The following ENTREP2 variants were observed in gnomAD, a reference collection of about 807,000 sequenced individuals.
ENTREP2 encodes the protein protein ENTREP2.
At chr15:29,308,288 A>G in the ENTREP2 span, among the ~76,000 whole-genome samples, 2,773 of 152,346 alleles carry the variant, frequency 0.018, 52 homozygotes, top group Non-Finnish European at 0.027. Context: ...AGGCAGGAGA[A>G]TTGCTTAAGC....
chr15:29,575,932 G>A, the ENTREP2 span, among the ~76,000 whole-genome samples: 1 of 152,242 alleles, frequency 6.6e-6, no homozygotes, highest in Admixed American at 6.5e-5. Flanking sequence ...CAGATTCAAA[G>A]CAATCCCTAT....
chr15:29,183,935 T>C, the ENTREP2 span, among the ~76,000 whole-genome samples: 1 of 152,184 alleles, frequency 6.6e-6, no homozygotes, highest in Non-Finnish European at 1.5e-5. Flanking sequence ...TGAATAAATC[T>C]GGAAGGTATT....
At chr15:29,604,475 C>A in the ENTREP2 span, among the ~76,000 whole-genome samples, 2 of 152,106 alleles carry the variant, frequency 1.3e-5, no homozygotes, top group African/African-American at 4.8e-5. Flanking sequence ...TTAATTTCTA[C>A]GTAGATACCA....
At chr15:29,546,699 A>C in the ENTREP2 span, among the ~76,000 whole-genome samples, 1 of 152,002 alleles carries the variant, frequency 6.6e-6, no homozygotes, top group African/African-American at 2.4e-5. Context: ...ATCCTGGCTA[A>C]CATGGTGAAA....
At chr15:29,430,521 C>T in the ENTREP2 span, among the ~76,000 whole-genome samples, 1 of 152,070 alleles carries the variant, frequency 6.6e-6, no homozygotes, top group Non-Finnish European at 1.5e-5. Context: ...TGGCACATGC[C>T]TGTAATCACA....
chr15:29,429,191 A>G, the ENTREP2 span, among the ~76,000 whole-genome samples: 4 of 21,914 alleles, frequency 1.8e-4, no homozygotes, highest in African/African-American at 4.6e-4. Context: ...ATGTCTATCT[A>G]TCCATCCATC....
At chr15:29,482,953 C>T in the ENTREP2 span, among the ~76,000 whole-genome samples, 6 of 152,272 alleles carry the variant, frequency 3.9e-5, 1 homozygote, top group African/African-American at 1.4e-4. Flanking sequence ...TTAGTGTTCC[C>T]ACCAACAATG....
the ENTREP2 span, among the ~76,000 whole-genome samples, chr15:29,539,974 C>T: frequency 6.6e-6 from 1 of 152,238 alleles, no homozygotes; most frequent in South Asian, 2.1e-4. Flanking sequence ...CACTGCCTCC[C>T]AAGAGACAAA....
the ENTREP2 span, among the ~76,000 whole-genome samples, chr15:29,475,941 A>T: frequency 6.6e-6 from 1 of 152,172 alleles, no homozygotes; most frequent in South Asian, 2.1e-4. Flanking sequence ...TCATAGTAAG[A>T]TCTGCTCATG....
the ENTREP2 span, chr15:29,375,249 T>A: frequency 6.6e-6 from 1 of 152,222 alleles, no homozygotes; most frequent in South Asian, 2.1e-4. Context: ...AGGTTTCCAA[T>A]CTGGATGGTG....
At chr15:29,555,896 T>C in the ENTREP2 span, among the ~76,000 whole-genome samples, 12 of 152,140 alleles carry the variant, frequency 7.9e-5, no homozygotes, top group Non-Finnish European at 1.8e-4. Context: ...CCCACACCCC[T>C]GTCAAAGCTC....
chr15:29,346,783 A>G, the ENTREP2 span, among the ~76,000 whole-genome samples: 1 of 152,206 alleles, frequency 6.6e-6, no homozygotes, highest in Non-Finnish European at 1.5e-5. Context: ...AAATAACAGT[A>G]AACTTCAGAA....
At chr15:29,393,648 A>T in the ENTREP2 span, among the ~76,000 whole-genome samples, 1 of 152,222 alleles carries the variant, frequency 6.6e-6, no homozygotes, top group Non-Finnish European at 1.5e-5. Context: ...CTACTCAGCC[A>T]AAATGCCAGA....
the ENTREP2 span, among the ~76,000 whole-genome samples, chr15:29,600,486 C>A: frequency 2.2e-5 from 3 of 136,932 alleles, no homozygotes; most frequent in Non-Finnish European, 5.0e-5. Context: ...TCATCATCGT[C>A]ATCTCATCAT....
chr15:29,623,114 G>A, the ENTREP2 span, among the ~76,000 whole-genome samples: 1 of 152,192 alleles, frequency 6.6e-6, no homozygotes, highest in Non-Finnish European at 1.5e-5. Flanking sequence ...GGGAGAAGGT[G>A]AAGAATGAAG....
the ENTREP2 span, among the ~76,000 whole-genome samples, chr15:29,355,856 G>A: frequency 6.6e-6 from 1 of 152,162 alleles, no homozygotes; most frequent in Non-Finnish European, 1.5e-5. Flanking sequence ...TGGAATGGCT[G>A]AGCTAAATAA....
chr15:29,314,156 T>A, the ENTREP2 span, among the ~76,000 whole-genome samples: 9 of 152,196 alleles, frequency 5.9e-5, no homozygotes, highest in Non-Finnish European at 1.5e-5. Context: ...CTACTCTTGG[T>A]GAAGATACTG....
At chr15:29,213,596 G>A in the ENTREP2 span, among the ~76,000 whole-genome samples, 1 of 152,054 alleles carries the variant, frequency 6.6e-6, no homozygotes, top group Non-Finnish European at 1.5e-5. Flanking sequence ...CTGCTTGTCT[G>A]TTATTGGTGT....
At chr15:29,393,861 C>A in the ENTREP2 span, among the ~76,000 whole-genome samples, 1 of 151,862 alleles carries the variant, frequency 6.6e-6, no homozygotes, top group South Asian at 2.1e-4. Flanking sequence ...CTCTTTTAGC[C>A]CCAGCAACTA....
Sources: allele counts gnomAD v4.1 joint callset (sites outside exome capture counted in the v4.1 genomes callset), GRCh38; gene constraint gnomAD v4.1.1; transcripts MANE v1.5; gene names NCBI Gene and HGNC (gene_info 2026-07-23, HGNC 2026-07-21).